The following VOPP1 variants were observed in gnomAD, a reference collection of about 807,000 sequenced individuals.
VOPP1 encodes VOPP1 WW domain binding protein.
VOPP1 carries 8 observed loss-of-function variants against 23.5 expected under a neutral mutation model. The observed-to-expected ratio is 0.34, with a 90% confidence interval of 0.20 to 0.61. The LOEUF is 0.61. Among genes scored for constraint, VOPP1 ranks in the 20% least tolerant of loss-of-function variants. The pLI, the probability that VOPP1 is intolerant of heterozygous loss-of-function variation, is 0.78. For missense variants in VOPP1, 174 were observed against 238.1 expected (o/e 0.73, Z 1.77); for synonymous variants, 83 against 97.3 (o/e 0.85, Z 0.86).
intron 4 of VOPP1, among the ~76,000 whole-genome samples, chr7:55,478,911 C>T (rs938608384): frequency 2.0e-5 from 3 of 152,142 alleles, no homozygotes; most frequent in East Asian, 1.9e-4. Flanking sequence ...AGGACCCAGG[C>T]GGACCTCTCT....
intron 2 of VOPP1, among the ~76,000 whole-genome samples, chr7:55,506,538 T>C (rs1473442110): frequency 6.6e-6 from 1 of 151,806 alleles, no homozygotes; most frequent in African/African-American, 2.4e-5. Flanking sequence ...GGTTTCGCCA[T>C]GTTGGCCAGG....
At chr7:55,538,825 A>C (rs1410818968) in intron 1 of VOPP1, among the ~76,000 whole-genome samples, 2 of 152,014 alleles carry the variant, frequency 1.3e-5, no homozygotes, top group African/African-American at 4.8e-5. Flanking sequence ...TAAAAAAAAA[A>C]AAAAAAAGGA....
intron 1 of VOPP1, among the ~76,000 whole-genome samples, chr7:55,539,898 TGC>T (rs1491111034): frequency 1.1e-3 from 80 of 71,434 alleles, no homozygotes; most frequent in African/African-American, 3.5e-3. Context: ...ACATAAGCGC[TGC>T]ACACACACAC....
intron 1 of VOPP1, among the ~76,000 whole-genome samples, chr7:55,545,388 G>T (rs1224930189): frequency 6.6e-6 from 1 of 152,128 alleles, no homozygotes; most frequent in Non-Finnish European, 1.5e-5. Context: ...GCTCTCCCCT[G>T]GGAGGCCTGT....
chr7:55,486,420 A>T (rs917375500), intron 4 of VOPP1, among the ~76,000 whole-genome samples: 5 of 152,240 alleles, frequency 3.3e-5, no homozygotes, highest in African/African-American at 1.2e-4. Flanking sequence ...TGTGCAAACC[A>T]TAATAGCAAG....
chr7:55,437,112 C>T (rs1790850558), intron 4 of VOPP1, among the ~76,000 whole-genome samples: 1 of 152,170 alleles, frequency 6.6e-6, no homozygotes, highest in African/African-American at 2.4e-5. Context: ...TCAGACCATT[C>T]CTAATGGAGG....
At chr7:55,545,785 A>G (rs953289663) in intron 1 of VOPP1, among the ~76,000 whole-genome samples, 1 of 152,160 alleles carries the variant, frequency 6.6e-6, no homozygotes, top group Non-Finnish European at 1.5e-5. Flanking sequence ...GTGTTTAAAA[A>G]GGAATGATTT....
Position 55,495,228 on chromosome 7 carries a change from T to C in VOPP1, c.191+2385A>G, listed in dbSNP as rs189963015. 3.9e-5 allele frequency among the ~76,000 whole-genome samples: 6 copies of C among 152,282 alleles called. No individual in the cohort carries two copies. In the East Asian group the frequency reaches 9.6e-4, roughly 24 times the overall value. On this transcript the variant is annotated intron_variant, in intron 3 of 4. Coordinates refer to ENST00000285279, the MANE Select transcript of VOPP1 (RefSeq NM_030796.5). ...GGCCCACTGTGCTTTCTGAGTCCAC[T>C]CAAGGGTGCCATCGGTCCACCTTCT...
rs989429177 is a variant in VOPP1 at position 55,523,250 on chromosome 7, C to G, written c.55-2120G>C. On this transcript the variant is annotated intron_variant, in intron 1 of 4. Coordinates refer to ENST00000285279, the MANE Select transcript of VOPP1 (RefSeq NM_030796.5). The stretch of plus-strand genomic sequence containing the variant: ...ATAGGCAAAAACAAAAACATACGTC[C>G]AGTATGCCATCCTTGATGCAAAAGG... Among the ~76,000 whole-genome samples, 63 of 152,170 alleles carry G rather than the reference C, an allele frequency of 4.1e-4. 1 individual carries two copies. The highest frequency in any genetic ancestry group is 1.3e-3 in the African/African-American group (54 of 41,436).
chr7:55,540,885 A>G (rs955702145), intron 1 of VOPP1, among the ~76,000 whole-genome samples: 1 of 152,222 alleles, frequency 6.6e-6, no homozygotes, highest in African/African-American at 2.4e-5. Flanking sequence ...TTACATAAAT[A>G]CCATTTTAAA....
chr7:55,503,583 C>T (rs1794512382), intron 2 of VOPP1, among the ~76,000 whole-genome samples: 1 of 152,118 alleles, frequency 6.6e-6, no homozygotes, highest in South Asian at 2.1e-4. Flanking sequence ...AAAGTGTCTC[C>T]CCTAGACCGG....
At chr7:55,556,061 T>C (rs1415767409) in intron 1 of VOPP1, among the ~76,000 whole-genome samples, 1 of 152,222 alleles carries the variant, frequency 6.6e-6, no homozygotes, top group Admixed American at 6.5e-5. Flanking sequence ...GCTGCTTACC[T>C]ATGAGGGGCC....
At chr7:55,485,119 T>C (rs1793037731) in intron 4 of VOPP1, among the ~76,000 whole-genome samples, 1 of 152,214 alleles carries the variant, frequency 6.6e-6, no homozygotes, top group African/African-American at 2.4e-5. Context: ...CTCCCCTTTT[T>C]GCCTAAGTTA....
chr7:55,498,616 G>A (rs1794149182), intron 2 of VOPP1, among the ~76,000 whole-genome samples: 1 of 152,158 alleles, frequency 6.6e-6, no homozygotes, highest in African/African-American at 2.4e-5. Context: ...TGTGGGGAGG[G>A]CCACTTCTCT....
chr7:55,435,770 C>T (rs1219122580), downstream of VOPP1, among the ~76,000 whole-genome samples: 2 of 152,264 alleles, frequency 1.3e-5, no homozygotes, highest in Non-Finnish European at 2.9e-5. Flanking sequence ...TCCCAGCTCC[C>T]TCTCCCGTTT....
chr7:55,549,892 T>G (rs1190281230), intron 1 of VOPP1, among the ~76,000 whole-genome samples: 1 of 152,180 alleles, frequency 6.6e-6, no homozygotes, highest in African/African-American at 2.4e-5. Flanking sequence ...TCTCAAATCT[T>G]GCTTGGAAAA....
chr7:55,505,456 G>A (rs1328735162), intron 2 of VOPP1, among the ~76,000 whole-genome samples: 1 of 152,014 alleles, frequency 6.6e-6, no homozygotes, highest in Non-Finnish European at 1.5e-5. Flanking sequence ...GAAAAGGAGG[G>A]TGACGTGGTA....
chr7:55,536,191 A>C (rs1217924389), intron 1 of VOPP1, among the ~76,000 whole-genome samples: 1 of 152,170 alleles, frequency 6.6e-6, no homozygotes, highest in Non-Finnish European at 1.5e-5. Context: ...TACACCCTGA[A>C]GTATGGAGAC....
intron 1 of VOPP1, among the ~76,000 whole-genome samples, chr7:55,541,907 G>C (rs1448343119): frequency 6.6e-6 from 1 of 152,198 alleles, no homozygotes; most frequent in African/African-American, 2.4e-5. Context: ...GGCTTGGGTA[G>C]GGTGGGCCAG....
Sources: gnomAD v4.1 joint callset for allele counts (sites outside exome capture counted in the v4.1 genomes callset) on GRCh38, gnomAD v4.1.1 for gene constraint, MANE v1.5 for transcripts, NCBI Gene and HGNC (gene_info 2026-07-23, HGNC 2026-07-21) for gene names.